ADM5: variants seen among roughly 807,000 people sequenced by gnomAD.
ADM5 encodes the protein putative adrenomedullin-5-like protein.
Under a neutral mutation model 2.9 loss-of-function variants are expected in ADM5, and 1 was observed. The ratio of observed to expected loss-of-function variants is 0.35; its 90% CI spans 0.12 to 1.65. The LOEUF is 1.65. ADM5 is among the 40% of genes most tolerant of loss of function. The probability of loss-of-function intolerance (pLI) is 0.36; values close to 1 mark genes in which losing one functional copy is unlikely to be tolerated. For synonymous variants in ADM5, 90 were observed against 91.1 expected (o/e 0.99, Z 0.07); for missense variants, 192 against 205.2 (o/e 0.94, Z 0.39).
Position 49,690,537 on chromosome 19 carries a change from T to C in ADM5, c.*44T>C. The C allele has an allele frequency of 7.1e-7, 1 of 1,412,772 alleles. No individual in the cohort carries two copies. Among genetic ancestry groups the C allele is most frequent in the East Asian group, 2.5e-5 (1 of 39,696 alleles). The allele number at this position is 1,412,772 out of a possible 1,614,324, so 87.5% of individuals were successfully genotyped here. ...CGGGACCAGGCTGGGCGAAGAACACTGACGCCCAGAGCCGAATAAACAAGA... is the reference window on the plus strand; with the variant it reads ...CGGGACCAGGCTGGGCGAAGAACACCGACGCCCAGAGCCGAATAAACAAGA... On this transcript the variant is annotated 3_prime_UTR_variant, in exon 2 of 2. Transcript: ENST00000420022. The surrounding 1 kb of genome is among the most constrained non-coding windows in gnomAD (Gnocchi z 4.4).
rs1383246125 is a variant in ADM5 at position 49,690,098 on chromosome 19, C to A, written c.75-8C>A. On this transcript the variant is annotated splice_polypyrimidine_tract_variant and splice_region_variant and intron_variant, in intron 1 of 1. Coordinates refer to ENST00000420022, the MANE Select transcript of ADM5 (RefSeq NM_001101340.2). This position sits in a 1 kb window ranked among gnomAD's most constrained non-coding sequence, Gnocchi z 4.4. ...TGAACCCGGTTTTCTCCCACGCTCCCTCTCCAGGCGAGGCCAGCACCAGGT... is the reference window on the plus strand; with the variant it reads ...TGAACCCGGTTTTCTCCCACGCTCCATCTCCAGGCGAGGCCAGCACCAGGT... 1 of 1,550,840 alleles carries A rather than the reference C, an allele frequency of 6.4e-7. No homozygotes were observed. The highest frequency in any genetic ancestry group is 1.9e-5 in the Admixed American group (1 of 51,372).
Position 49,690,101 on chromosome 19 carries a change from T to A in ADM5, c.75-5T>A. On this transcript the variant is annotated splice_polypyrimidine_tract_variant and splice_region_variant and intron_variant, in intron 1 of 1. Coordinates refer to ENST00000420022, the MANE Select transcript of ADM5 (RefSeq NM_001101340.2). This position sits in a 1 kb window ranked among gnomAD's most constrained non-coding sequence, Gnocchi z 4.4. ...ACCCGGTTTTCTCCCACGCTCCCTC[T>A]CCAGGCGAGGCCAGCACCAGGTCCC... 1 of 1,552,994 alleles carries A rather than the reference T, an allele frequency of 6.4e-7. No individual in the cohort carries two copies. Among genetic ancestry groups the A allele is most frequent in the East Asian group, 2.4e-5 (1 of 41,294 alleles).
chr19:49,690,479 C>A lies in ADM5; in HGVS notation c.448C>A (p.Pro150Thr). ...APETVFPSPS[P>T]GCD is the part of the protein sequence containing the mutation. ...TGAAACCGTCTTCCCCAGTCCCTCCCCGGGCTGCGACTAGGTTGGACCTAG... is the reference window on the plus strand; with the variant it reads ...TGAAACCGTCTTCCCCAGTCCCTCCACGGGCTGCGACTAGGTTGGACCTAG... The change falls in exon 2 of 2, where the codon CCG (proline) becomes ACG (threonine). Residue 150 changes from proline (P) to threonine (T), a missense_variant. Physicochemically the swap from Pro to Thr is conservative, Grantham distance 38. Coordinates refer to ENST00000420022, the MANE Select transcript of ADM5 (RefSeq NM_001101340.2). This position sits in a 1 kb window ranked among gnomAD's most constrained non-coding sequence, Gnocchi z 4.4. The A allele has an allele frequency of 6.6e-7, 1 of 1,513,696 alleles. No homozygotes were observed. Among genetic ancestry groups the A allele is most frequent in the South Asian group, 1.3e-5 (1 of 79,602 alleles). 93.8% of individuals were successfully genotyped at this position (1,513,696 alleles called of 1,614,324 possible). A position where few individuals can be genotyped will look rare whatever the true frequency, so the allele number is the denominator to read the frequency against.
intron 1 of ADM5, 41 bp downstream of exon 1, chr19:49,689,952 G>T: frequency 6.2e-7 from 1 of 1,613,650 alleles, no homozygotes; most frequent in East Asian, 2.2e-5. Flanking sequence ...GCGGGAGGGA[G>T]ACCGTAAAGG....
At position 49,689,711 on chromosome 19, in the gene ADM5, C is replaced by T; in HGVS notation, c.-127C>T. Reference sequence around the variant, plus strand: ...AGACTTTTGGCCTCAGTGTTCCCCGCCTGGGAAGTGGGGACTGGCCCTGGT... The same window carrying T: ...AGACTTTTGGCCTCAGTGTTCCCCGTCTGGGAAGTGGGGACTGGCCCTGGT... On this transcript the variant is annotated 5_prime_UTR_variant, in exon 1 of 2. Coordinates refer to ENST00000420022, the MANE Select transcript of ADM5 (RefSeq NM_001101340.2). 8.2e-7 allele frequency: 1 copy of T among 1,222,460 alleles called. No homozygotes were observed. Among genetic ancestry groups the T allele is most frequent in the East Asian group, 2.3e-5 (1 of 42,580 alleles). 75.7% of individuals were successfully genotyped at this position (1,222,460 alleles called of 1,614,324 possible).
chr19:49,689,729 G>A lies in ADM5; in HGVS notation c.-109G>A. The stretch of plus-strand genomic sequence containing the variant: ...TTCCCCGCCTGGGAAGTGGGGACTG[G>A]CCCTGGTACCTGGCTCCAGAGCTGC... On this transcript the variant is annotated 5_prime_UTR_variant, in exon 1 of 2. Transcript: ENST00000420022. 1 of 1,382,238 alleles carries A rather than the reference G, an allele frequency of 7.2e-7. No individual in the cohort carries two copies. The highest frequency in any genetic ancestry group is 1.0e-6 in the Non-Finnish European group (1 of 979,620). 85.6% of individuals were successfully genotyped at this position (1,382,238 alleles called of 1,614,324 possible).
In ADM5 at chr19:49,690,093, G is replaced by T. The variant is rs764738826; in HGVS notation, c.75-13G>T. On this transcript the variant is annotated splice_polypyrimidine_tract_variant and intron_variant, in intron 1 of 1. Transcript: ENST00000420022. This position sits in a 1 kb window ranked among gnomAD's most constrained non-coding sequence, Gnocchi z 4.4. ...CGGTTTGAACCCGGTTTTCTCCCAC[G>T]CTCCCTCTCCAGGCGAGGCCAGCAC... The T allele has an allele frequency of 6.5e-7, 1 of 1,547,880 alleles. No homozygotes were observed. The highest frequency in any genetic ancestry group is 2.4e-5 in the East Asian group (1 of 41,222).
rs1164699852 is a variant in ADM5, at chr19:49,690,256, A to G, written c.225A>G (p.Leu75=). ...GEGQPRAPGP[L]QLWAPPVARG... is the part of the protein sequence containing the mutation. ...GCCAGCCACGAGCCCCAGGACCCCT[A>G]CAGCTATGGGCGCCGCCGGTGGCGC... Residue 75 remains leucine (L), a synonymous_variant, in exon 2 of 2, where the codon CTA becomes CTG. Transcript: ENST00000420022. The surrounding 1 kb of genome is among the most constrained non-coding windows in gnomAD (Gnocchi z 4.4). 3 of 1,551,918 alleles carry G rather than the reference A, an allele frequency of 1.9e-6. No homozygotes were observed. Among genetic ancestry groups the G allele is most frequent in the Non-Finnish European group, 2.6e-6 (3 of 1,147,142 alleles).
Position 49,689,754 on chromosome 19 carries a change from C to A in ADM5, c.-84C>A. ...GCCCTGGTACCTGGCTCCAGAGCTG[C>A]ACCCAGAGGCGATCAGCCCGGTGCG... On this transcript the variant is annotated 5_prime_UTR_variant, in exon 1 of 2. Coordinates refer to ENST00000420022, the MANE Select transcript of ADM5 (RefSeq NM_001101340.2). The A allele has an allele frequency of 6.5e-7, 1 of 1,539,602 alleles. No individual in the cohort carries two copies. Among genetic ancestry groups the A allele is most frequent in the Non-Finnish European group, 9.0e-7 (1 of 1,115,168 alleles).
chr19:49,689,955 C>T (rs965559869), intron 1 of ADM5, 44 bp downstream of exon 1: 2 of 1,613,160 alleles, frequency 1.2e-6, no homozygotes, highest in Non-Finnish European at 1.7e-6. Flanking sequence ...GGAGGGAGAC[C>T]GTAAAGGGCG....
Position 49,690,219 on chromosome 19 carries a change from C to A in ADM5, c.188C>A (p.Ala63Asp). Residue 63 changes from alanine to aspartate, a missense_variant, in exon 2 of 2, where the codon GCC becomes GAC. Transcript: ENST00000420022. This position sits in a 1 kb window ranked among gnomAD's most constrained non-coding sequence, Gnocchi z 4.4. ...TGGATTCGCTGTCTCCACCAAGGAG[C>A]CCTCGGGGAAGGCCAGCCACGAGCC... The part of the protein sequence containing the change: ...IYWIRCLHQG[A>D]LGEGQPRAPG... 1 of 1,555,982 alleles carries A rather than the reference C, an allele frequency of 6.4e-7. No homozygotes were observed. Among genetic ancestry groups the A allele is most frequent in the South Asian group, 1.2e-5 (1 of 84,298 alleles).
rs1385027678 is a variant in ADM5 at position 49,690,287 on chromosome 19, G to A, written c.256G>A (p.Gly86Arg). 6 of 1,551,440 alleles carry A rather than the reference G, an allele frequency of 3.9e-6. No homozygotes were observed. The South Asian group carries it at 4.8e-5, about 12-fold the overall frequency. ...ATGGGCGCCGCCGGTGGCGCGAGGC[G>A]GAAGCCCGGCTCGGTTCCCAGGATT... Reference protein sequence around the residue: ...QLWAPPVARGGSPARFPGFRP... With the variant: ...QLWAPPVARGRSPARFPGFRP... Residue 86 changes from glycine to arginine, a missense_variant, in exon 2 of 2, where the codon GGA (glycine) becomes AGA (arginine). Gly to Arg is a moderately radical substitution (Grantham distance 125). Transcript: ENST00000420022. This position sits in a 1 kb window ranked among gnomAD's most constrained non-coding sequence, Gnocchi z 4.4.
Position 49,690,502 on chromosome 19 carries a change from T to G in ADM5, c.*9T>G. ...CCCCGGGCTGCGACTAGGTTGGACC[T>G]AGAAGCACACGGGACCAGGCTGGGC... On this transcript the variant is annotated 3_prime_UTR_variant, in exon 2 of 2. Transcript: ENST00000420022. The surrounding 1 kb of genome is among the most constrained non-coding windows in gnomAD (Gnocchi z 4.4). 6.7e-7 allele frequency: 1 copy of G among 1,491,588 alleles called. No homozygotes were observed. The highest frequency in any genetic ancestry group is 9.0e-7 in the Non-Finnish European group (1 of 1,112,394). 92.4% of individuals were successfully genotyped at this position (1,491,588 alleles called of 1,614,324 possible).
rs2082282435 is a variant in ADM5 at position 49,689,619 on chromosome 19, C to T, written c.-219C>T. 2 of 613,802 alleles carry T rather than the reference C, an allele frequency of 3.3e-6. No individual in the cohort carries two copies. The highest frequency in any genetic ancestry group is 5.8e-6 in the Non-Finnish European group (2 of 347,516). 38.0% of individuals were successfully genotyped at this position (613,802 alleles called of 1,614,324 possible). A position where few individuals can be genotyped will look rare whatever the true frequency, so the allele number is the denominator to read the frequency against. ...ACACACCCAGTGAGGTCTCTGGAGC[C>T]GCGGTGCGGGAAGCGGGGACCCGGG... On this transcript the variant is annotated 5_prime_UTR_variant, in exon 1 of 2. Transcript: ENST00000420022.
Position 49,690,251 on chromosome 19 carries a change from C to A in ADM5, c.220C>A (p.Pro74Thr), listed in dbSNP as rs901353988. The A allele has an allele frequency of 1.3e-6, 2 of 1,552,112 alleles. No homozygotes were observed. Among genetic ancestry groups the A allele is most frequent in the Non-Finnish European group, 1.7e-6 (2 of 1,147,256 alleles). ...LGEGQPRAPGPLQLWAPPVAR... is the reference protein window; with the variant it reads ...LGEGQPRAPGTLQLWAPPVAR... Reference sequence around the variant, plus strand: ...GGAAGGCCAGCCACGAGCCCCAGGACCCCTACAGCTATGGGCGCCGCCGGT... The same window carrying A: ...GGAAGGCCAGCCACGAGCCCCAGGAACCCTACAGCTATGGGCGCCGCCGGT... The change falls in exon 2 of 2, where the codon CCC becomes ACC. Residue 74 changes from proline to threonine, a missense_variant. Transcript: ENST00000420022. The surrounding 1 kb of genome is among the most constrained non-coding windows in gnomAD (Gnocchi z 4.4).
chr19:49,689,735 G>A lies in ADM5; in HGVS notation c.-103G>A, dbSNP rs2082285157. 1.4e-6 allele frequency: 2 copies of A among 1,444,876 alleles called. No homozygotes were observed. The highest frequency in any genetic ancestry group is 1.9e-6 in the Non-Finnish European group (2 of 1,034,026). The allele number at this position is 1,444,876 out of a possible 1,614,324, so 89.5% of individuals were successfully genotyped here. A position where few individuals can be genotyped will look rare whatever the true frequency, so the allele number is the denominator to read the frequency against. On this transcript the variant is annotated 5_prime_UTR_variant, in exon 1 of 2. Coordinates refer to ENST00000420022, the MANE Select transcript of ADM5 (RefSeq NM_001101340.2). Reference sequence around the variant, plus strand: ...GCCTGGGAAGTGGGGACTGGCCCTGGTACCTGGCTCCAGAGCTGCACCCAG... The same window carrying A: ...GCCTGGGAAGTGGGGACTGGCCCTGATACCTGGCTCCAGAGCTGCACCCAG...
Position 49,690,566 on chromosome 19 carries a change from C to T in ADM5, c.*73C>T. 7.5e-7 allele frequency: 1 copy of T among 1,327,888 alleles called. No homozygotes were observed. The highest frequency in any genetic ancestry group is 1.0e-6 in the Non-Finnish European group (1 of 987,582). 82.3% of individuals were successfully genotyped at this position (1,327,888 alleles called of 1,614,324 possible). ...GCCCAGAGCCGAATAAACAAGAGTTCCGTGTTTCAGTCTCTGCTTCTCTGT... is the reference window on the plus strand; with the variant it reads ...GCCCAGAGCCGAATAAACAAGAGTTTCGTGTTTCAGTCTCTGCTTCTCTGT... On this transcript the variant is annotated 3_prime_UTR_variant, in exon 2 of 2. Transcript: ENST00000420022. This position sits in a 1 kb window ranked among gnomAD's most constrained non-coding sequence, Gnocchi z 4.4.
rs1225985674 is a variant in ADM5 at position 49,690,481 on chromosome 19, G to C, written c.450G>C (p.Pro150=). 6.6e-7 allele frequency: 1 copy of C among 1,512,156 alleles called. No individual in the cohort carries two copies. The highest frequency in any genetic ancestry group is 1.3e-5 in the South Asian group (1 of 79,332). The allele number at this position is 1,512,156 out of a possible 1,614,324, so 93.7% of individuals were successfully genotyped here. Residue 150 remains proline, a synonymous_variant, in exon 2 of 2, where the codon CCG becomes CCC. Transcript: ENST00000420022. This position sits in a 1 kb window ranked among gnomAD's most constrained non-coding sequence, Gnocchi z 4.4. ...AAACCGTCTTCCCCAGTCCCTCCCC[G>C]GGCTGCGACTAGGTTGGACCTAGAA... The part of the protein sequence containing the change: ...APETVFPSPS[P]GCD
In ADM5 at chr19:49,690,454, T is replaced by C; in HGVS notation, c.423T>C (p.Pro141=). The C allele has an allele frequency of 6.5e-7, 1 of 1,537,534 alleles. No homozygotes were observed. Among genetic ancestry groups the C allele is most frequent in the Non-Finnish European group, 8.8e-7 (1 of 1,137,310 alleles). ...LHISSPLTPA[P]ETVFPSPSPG... ...TTTCTTCTCCCCTAACTCCAGCCCCTGAAACCGTCTTCCCCAGTCCCTCCC... is the reference window on the plus strand; with the variant it reads ...TTTCTTCTCCCCTAACTCCAGCCCCCGAAACCGTCTTCCCCAGTCCCTCCC... Residue 141 remains proline, a synonymous_variant, in exon 2 of 2, where the codon CCT becomes CCC. Coordinates refer to ENST00000420022, the MANE Select transcript of ADM5 (RefSeq NM_001101340.2). The surrounding 1 kb of genome is among the most constrained non-coding windows in gnomAD (Gnocchi z 4.4).
Sources: gnomAD v4.1 joint callset for allele counts on GRCh38, gnomAD v4.1.1 for gene constraint, Gnocchi (gnomAD v3.1) non-coding constraint, MANE v1.5 for transcripts, NCBI Gene and HGNC (gene_info 2026-07-23, HGNC 2026-07-21) for gene names.